EPHB2: variants seen among roughly 807,000 people sequenced by gnomAD.
The protein encoded by EPHB2 is ephrin type-B receptor 2.
In EPHB2, 18 loss-of-function variants were observed where a neutral mutation model predicts 96.4. That is an observed-to-expected ratio of 0.19 (90% confidence interval 0.13 to 0.28). The LOEUF (loss-of-function observed/expected upper bound fraction) is 0.28, where lower values mean the gene tolerates loss of function less well. Among genes scored for constraint, EPHB2 ranks in the 10% least tolerant of loss-of-function variants. The pLI is 1.00. For missense variants in EPHB2, 989 were observed against 1,355.4 expected (o/e 0.73, Z 4.25); for synonymous variants, 506 against 534.1 (o/e 0.95, Z 0.72).
intron 1 of EPHB2, among the ~76,000 whole-genome samples, chr1:22,744,934 C>T (rs918395248): frequency 2.0e-5 from 3 of 152,118 alleles, no homozygotes; most frequent in African/African-American, 7.2e-5. Context: ...AGTAGATTGT[C>T]ATAAAGGTCA....
At chr1:22,808,887 A>G (rs969718124) in intron 3 of EPHB2, among the ~76,000 whole-genome samples, 4 of 152,206 alleles carry the variant, frequency 2.6e-5, no homozygotes, top group Non-Finnish European at 5.9e-5. Context: ...CCACTATGCC[A>G]TATGTCCTGT....
chr1:22,807,393 G>A (rs189272913), intron 3 of EPHB2, among the ~76,000 whole-genome samples: 17 of 152,278 alleles, frequency 1.1e-4, no homozygotes, highest in South Asian at 6.2e-4. Context: ...CTGCCAAGGC[G>A]CTCAGAACGG....
chr1:22,726,242 TCTAC>T (rs1643578386), intron 1 of EPHB2, among the ~76,000 whole-genome samples: 1 of 152,172 alleles, frequency 6.6e-6, no homozygotes, highest in Non-Finnish European at 1.5e-5. Context: ...TTCATCCTCC[TCTAC>T]CTCTTCTTTC....
In EPHB2 at chr1:22,895,543, C is replaced by T. The variant is rs1430266513; in HGVS notation, c.1663C>T (p.Leu555Phe). ...IGSSAAGLVF[L>F]IAVVVIAIVC... is the part of the protein sequence containing the mutation. ...CTCCTCGGCCGCTGGCCTGGTCTTCCTCATTGCTGTGGTTGTCATCGCCAT... is the reference window on the plus strand; with the variant it reads ...CTCCTCGGCCGCTGGCCTGGTCTTCTTCATTGCTGTGGTTGTCATCGCCAT... Residue 555 changes from leucine to phenylalanine, a missense_variant, in exon 8 of 16, where the codon CTC becomes TTC. Physicochemically the swap from Leu to Phe is conservative, Grantham distance 22 (BLOSUM62 0). Transcript: ENST00000374630. The T allele has an allele frequency of 6.2e-7, 1 of 1,614,158 alleles. No homozygotes were observed.
At chr1:22,741,344 C>T (rs1015574843) in intron 1 of EPHB2, among the ~76,000 whole-genome samples, 3 of 152,002 alleles carry the variant, frequency 2.0e-5, no homozygotes, top group Admixed American at 1.3e-4. Context: ...TCCTTAAAAC[C>T]GCGTTCCTGG....
At chr1:22,760,070 G>A (rs1644213620) in intron 1 of EPHB2, among the ~76,000 whole-genome samples, 1 of 152,158 alleles carries the variant, frequency 6.6e-6, no homozygotes, top group Non-Finnish European at 1.5e-5. Flanking sequence ...CACGTCAGAT[G>A]GATAACACAA....
intron 3 of EPHB2, among the ~76,000 whole-genome samples, chr1:22,839,057 G>A (rs1645426892): frequency 6.6e-6 from 1 of 152,184 alleles, no homozygotes; most frequent in South Asian, 2.1e-4. Context: ...TTGCAGATAG[G>A]AAAAACAAAG....
At chr1:22,791,557 C>T (rs1187542131) in intron 3 of EPHB2, among the ~76,000 whole-genome samples, 1 of 147,604 alleles carries the variant, frequency 6.8e-6, no homozygotes, top group African/African-American at 2.5e-5. Flanking sequence ...CACAAATGAT[C>T]CTCCCACCTC....
chr1:22,739,217 T>G (rs561579224), intron 1 of EPHB2, among the ~76,000 whole-genome samples: 3 of 150,444 alleles, frequency 2.0e-5, no homozygotes, highest in Non-Finnish European at 2.9e-5. Context: ...ATTCTTTTTG[T>G]TTTTTTTCTT....
intron 3 of EPHB2, among the ~76,000 whole-genome samples, chr1:22,805,071 T>C (rs1310822500): frequency 3.5e-5 from 5 of 144,192 alleles, no homozygotes; most frequent in Non-Finnish European, 6.0e-5. Flanking sequence ...CACAGGTACC[T>C]ACATACCAGG....
intron 3 of EPHB2, among the ~76,000 whole-genome samples, chr1:22,839,880 C>A (rs1012143733): frequency 6.6e-6 from 1 of 152,104 alleles, no homozygotes; most frequent in Non-Finnish European, 1.5e-5. Context: ...ACTGAACTCA[C>A]CTATCGTACC....
In EPHB2 at chr1:22,908,129, A is replaced by T. The variant is rs776189745; in HGVS notation, c.2313A>T (p.Leu771=). Reference sequence around the variant, plus strand: ...CGGACTTTGGGCTCTCACGCTTTCTAGAGGACGATACCTCAGACCCCACCT... The same window carrying T: ...CGGACTTTGGGCTCTCACGCTTTCTTGAGGACGATACCTCAGACCCCACCT... The part of the protein sequence containing the change: ...KVSDFGLSRF[L]EDDTSDPTYT... The change falls in exon 12 of 16, where the codon CTA becomes CTT. Residue 771 remains leucine, a synonymous_variant. Coordinates refer to ENST00000374630, the MANE Select transcript of EPHB2 (RefSeq NM_017449.5). The T allele has an allele frequency of 6.2e-7, 1 of 1,614,238 alleles. No homozygotes were observed. The highest frequency in any genetic ancestry group is 1.1e-5 in the South Asian group (1 of 91,078).
chr1:22,897,894 G>A (rs1335219044), intron 9 of EPHB2, among the ~76,000 whole-genome samples: 1 of 152,124 alleles, frequency 6.6e-6, no homozygotes, highest in Non-Finnish European at 1.5e-5. Flanking sequence ...GAACACAGAA[G>A]TTCAAGACCA....
At chr1:22,869,326 A>G (rs1429076146) in intron 5 of EPHB2, among the ~76,000 whole-genome samples, 2 of 152,124 alleles carry the variant, frequency 1.3e-5, no homozygotes, top group African/African-American at 4.8e-5. Context: ...GTTCTGCAGT[A>G]TAGTGTAGAC....
At chr1:22,866,386 G>T (rs574484020) in intron 5 of EPHB2, among the ~76,000 whole-genome samples, 2 of 152,222 alleles carry the variant, frequency 1.3e-5, no homozygotes, top group East Asian at 3.9e-4. Context: ...GGCCCAGGAA[G>T]TCTTCCTGGA....
chr1:22,829,686 G>A (rs1645275761), intron 3 of EPHB2, among the ~76,000 whole-genome samples: 1 of 152,174 alleles, frequency 6.6e-6, no homozygotes, highest in Admixed American at 6.5e-5. Context: ...GGGCCATTTG[G>A]GGACACAGAG....
intron 1 of EPHB2, among the ~76,000 whole-genome samples, chr1:22,753,840 C>T (rs1368110867): frequency 6.6e-6 from 1 of 152,198 alleles, no homozygotes; most frequent in Admixed American, 6.5e-5. Flanking sequence ...ATATCCTCCG[C>T]CTCTCCAGCT....
chr1:22,779,497 TC>T (rs1192846938), intron 1 of EPHB2, among the ~76,000 whole-genome samples: 1 of 152,082 alleles, frequency 6.6e-6, no homozygotes, highest in African/African-American at 2.4e-5. Context: ...CCACCCTTTA[TC>T]CCCTCCACCC....
chr1:22,904,378 T>G (rs1639842769), intron 9 of EPHB2, among the ~76,000 whole-genome samples: 1 of 152,144 alleles, frequency 6.6e-6, no homozygotes, highest in South Asian at 2.1e-4. Context: ...TTGACAATAT[T>G]TATTTCCATA....
Sources: gnomAD v4.1 joint callset for allele counts (sites outside exome capture counted in the v4.1 genomes callset) on GRCh38, gnomAD v4.1.1 for gene constraint, MANE v1.5 for transcripts, NCBI Gene and HGNC (gene_info 2026-07-23, HGNC 2026-07-21) for gene names.